The following SLC24A2 variants were observed in gnomAD, a reference collection of about 807,000 sequenced individuals.
SLC24A2 encodes sodium/potassium/calcium exchanger 2.
Under a neutral mutation model 62.0 loss-of-function variants are expected in SLC24A2, and 36 were observed. That is an observed-to-expected ratio of 0.58 (90% CI 0.44 to 0.77). SLC24A2 has a LOEUF of 0.77. SLC24A2 is among the 30% of genes least tolerant of loss of function. The pLI, the probability that SLC24A2 is intolerant of heterozygous loss-of-function variation, is 0.00. For synonymous variants in SLC24A2, 358 were observed against 294.0 expected (o/e 1.22, Z -2.23); for missense variants, 846 against 817.9 (o/e 1.03, Z -0.42).
At chr9:19,806,659 C>A in the SLC24A2 span, among the ~76,000 whole-genome samples, 1 of 152,084 alleles carries the variant, frequency 6.6e-6, no homozygotes, top group Non-Finnish European at 1.5e-5. Flanking sequence ...ATTAATATAA[C>A]AAAGGTCAGT....
chr9:19,607,582 A>T (rs982160726), intron 4 of SLC24A2, among the ~76,000 whole-genome samples: 5 of 151,928 alleles, frequency 3.3e-5, no homozygotes, highest in African/African-American at 1.2e-4. Context: ...AGCCAGACAT[A>T]GTGGTGCATG....
the SLC24A2 span, among the ~76,000 whole-genome samples, chr9:20,292,088 G>T: frequency 3.9e-5 from 6 of 152,152 alleles, no homozygotes; most frequent in African/African-American, 1.2e-4. Flanking sequence ...CTGGGGTGTT[G>T]TGTTTCTACA....
the SLC24A2 span, among the ~76,000 whole-genome samples, chr9:20,155,700 T>C: frequency 3.3e-5 from 5 of 151,820 alleles, no homozygotes; most frequent in African/African-American, 7.2e-5. Context: ...AAGGGCATAA[T>C]TGAAGCAGCT....
At chr9:19,542,053 C>T (rs905614539) in intron 8 of SLC24A2, among the ~76,000 whole-genome samples, 3 of 152,216 alleles carry the variant, frequency 2.0e-5, no homozygotes, top group African/African-American at 4.8e-5. Flanking sequence ...AATGCCTCGC[C>T]CTGCTTCGGC....
chr9:19,711,813 A>G (rs1820722568), intron 2 of SLC24A2, among the ~76,000 whole-genome samples: 1 of 151,554 alleles, frequency 6.6e-6, no homozygotes, highest in South Asian at 2.1e-4. Context: ...GCAAAATAGA[A>G]GCGATAATGT....
the SLC24A2 span, among the ~76,000 whole-genome samples, chr9:20,247,533 G>A: frequency 4.6e-5 from 7 of 152,128 alleles, no homozygotes; most frequent in Non-Finnish European, 8.8e-5. Context: ...CTTCCAACAT[G>A]TAAGATTAAA....
At chr9:20,022,083 TAAC>T in the SLC24A2 span, among the ~76,000 whole-genome samples, 1 of 152,226 alleles carries the variant, frequency 6.6e-6, no homozygotes, top group Non-Finnish European at 1.5e-5. Context: ...TCTTCAATGT[TAAC>T]TACATTTAAG....
At chr9:19,878,128 C>G in the SLC24A2 span, among the ~76,000 whole-genome samples, 3 of 151,304 alleles carry the variant, frequency 2.0e-5, no homozygotes, top group African/African-American at 7.3e-5. Context: ...ACTGCTCTTA[C>G]TTTTTTTTTG....
At position 19,514,327 on chromosome 9, in the gene SLC24A2, T is replaced by C. The variant is rs754584022; in HGVS notation, c.*1826A>G. 1 of 152,204 alleles carries C rather than the reference T, an allele frequency of 6.6e-6. No individual in the cohort carries two copies. The highest frequency in any genetic ancestry group is 2.4e-5 in the African/African-American group (1 of 41,452). The allele number at this position is 152,204 out of a possible 1,614,324, so 9.4% of individuals were successfully genotyped here. A position where few individuals can be genotyped will look rare whatever the true frequency, so the allele number is the denominator to read the frequency against. ...ATCATAGCAGGCGTCAATGACAGAA[T>C]AGATTGGAGATAGGAACACATATGG... On this transcript the variant is annotated 3_prime_UTR_variant, in exon 11 of 11. Transcript: ENST00000341998.
intron 9 of SLC24A2, among the ~76,000 whole-genome samples, chr9:19,522,420 T>C (rs752310902): frequency 3.3e-5 from 5 of 152,194 alleles, no homozygotes; most frequent in Admixed American, 1.3e-4. Context: ...CCAGCATTTT[T>C]TGAAAAAATT....
intron 2 of SLC24A2, among the ~76,000 whole-genome samples, chr9:19,657,772 G>A (rs909545105): frequency 1.3e-5 from 2 of 151,974 alleles, no homozygotes; most frequent in South Asian, 4.2e-4. Context: ...CGTCATCCAG[G>A]ACTGGAGTGC....
At chr9:19,667,516 A>G (rs533723062) in intron 2 of SLC24A2, among the ~76,000 whole-genome samples, 28 of 152,200 alleles carry the variant, frequency 1.8e-4, no homozygotes, top group Admixed American at 3.9e-4. Flanking sequence ...TGCTCCCTGG[A>G]CCAAGTGTTC....
chr9:19,828,654 C>T, the SLC24A2 span, among the ~76,000 whole-genome samples: 2 of 152,082 alleles, frequency 1.3e-5, no homozygotes, highest in Admixed American at 6.6e-5. Flanking sequence ...CCAACGACCT[C>T]GAGTTTTAAA....
At chr9:19,521,197 T>A (rs1833182043) in intron 9 of SLC24A2, 137 bp from the exon 10 acceptor site, 3 of 782,216 alleles carry the variant, frequency 3.8e-6, no homozygotes, top group East Asian at 2.7e-5. Context: ...TAAAGATGAA[T>A]AAGCCACAGT....
chr9:19,879,031 C>A, the SLC24A2 span, among the ~76,000 whole-genome samples: 1 of 152,142 alleles, frequency 6.6e-6, no homozygotes, highest in Non-Finnish European at 1.5e-5. Flanking sequence ...CAGGAAAAAA[C>A]TCCATCATTA....
chr9:20,197,034 T>C, the SLC24A2 span, among the ~76,000 whole-genome samples: 3 of 152,238 alleles, frequency 2.0e-5, no homozygotes, highest in Admixed American at 2.0e-4. Flanking sequence ...ACACAGCCCT[T>C]CTTCTAATGT....
intron 2 of SLC24A2, among the ~76,000 whole-genome samples, chr9:19,626,385 T>C (rs1416890696): frequency 6.6e-6 from 1 of 152,226 alleles, no homozygotes; most frequent in East Asian, 1.9e-4. Flanking sequence ...CCATGAAGAC[T>C]TCATAGGACA....
chr9:19,837,071 C>T, the SLC24A2 span, among the ~76,000 whole-genome samples: 21 of 152,194 alleles, frequency 1.4e-4, no homozygotes, highest in East Asian at 1.2e-3. Context: ...ATTGATGGGA[C>T]GTATCTCAAA....
the SLC24A2 span, among the ~76,000 whole-genome samples, chr9:19,969,183 C>CCACACACACACACA: frequency 0.03 from 3,725 of 122,154 alleles, 100 homozygotes; most frequent in Middle Eastern, 0.065. Flanking sequence ...ACCTCCTTTG[C>CCACACACACACACA]CACACACACA....
Sources: gnomAD v4.1 joint callset for allele counts (sites outside exome capture counted in the v4.1 genomes callset) on GRCh38, gnomAD v4.1.1 for gene constraint, MANE v1.5 for transcripts, NCBI Gene and HGNC (gene_info 2026-07-23, HGNC 2026-07-21) for gene names.